Variants in NSG2 observed in about 807,000 individuals in gnomAD.
NSG2 encodes neuronal vesicle trafficking-associated protein 2.
NSG2 carries 4 observed loss-of-function variants against 16.9 expected under a neutral mutation model. The ratio of observed to expected loss-of-function variants is 0.24; its 90% CI spans 0.12 to 0.54. NSG2 has a LOEUF of 0.54. Ranked by LOEUF, NSG2 falls within the 20% of genes least tolerant of loss-of-function variation. NSG2 has a pLI of 0.95. For missense variants in NSG2, 179 were observed against 221.1 expected (o/e 0.81, Z 1.21); for synonymous variants, 98 against 88.7 (o/e 1.11, Z -0.59).
At chr5:174,069,426 C>T (rs1363628071) in intron 3 of NSG2, among the ~76,000 whole-genome samples, 2 of 152,150 alleles carry the variant, frequency 1.3e-5, no homozygotes, top group African/African-American at 2.4e-5. Flanking sequence ...AGAGGCACAG[C>T]TGTCCTCCAG....
intron 2 of NSG2, among the ~76,000 whole-genome samples, chr5:174,058,916 C>T (rs1186321993): frequency 6.6e-6 from 1 of 152,182 alleles, no homozygotes; most frequent in East Asian, 1.9e-4. Context: ...TATCAGGCAC[C>T]TGCCTGTCTC....
chr5:174,052,078 C>T (rs187283506), intron 2 of NSG2, among the ~76,000 whole-genome samples: 100 of 152,282 alleles, frequency 6.6e-4, no homozygotes, highest in Admixed American at 2.2e-3. Context: ...ACCCTAGGGA[C>T]AAGGGACAGG....
chr5:174,068,725 GAATCCT>G (rs2113440954), intron 3 of NSG2, among the ~76,000 whole-genome samples: 1 of 135,454 alleles, frequency 7.4e-6, no homozygotes, highest in Non-Finnish European at 1.6e-5. Context: ...GGTGTCATGG[GAATCCT>G]GGTGCTATGG....
chr5:174,086,264 C>T (rs1324438891), intron 3 of NSG2: 2 of 152,098 alleles, frequency 1.3e-5, no homozygotes, highest in African/African-American at 4.8e-5. Flanking sequence ...AAACTTATTT[C>T]CTCTAAAATA....
rs977084339 is a variant in NSG2 at position 174,108,014 on chromosome 5, T to A, written c.*509T>A. 3.2e-6 allele frequency: 1 copy of A among 316,258 alleles called. No homozygotes were observed. Among genetic ancestry groups the A allele is most frequent in the South Asian group, 2.6e-5 (1 of 38,584 alleles). The allele number at this position is 316,258 out of a possible 1,614,324, so 19.6% of individuals were successfully genotyped here. A position where few individuals can be genotyped will look rare whatever the true frequency, so the allele number is the denominator to read the frequency against. On this transcript the variant is annotated 3_prime_UTR_variant, in exon 5 of 5. Transcript: ENST00000303177. ...TTCCATTAGCCTGTGGTCTGCAGGGTAGGCCCGCAGGAAATGAGGAATGGC... is the reference window on the plus strand; with the variant it reads ...TTCCATTAGCCTGTGGTCTGCAGGGAAGGCCCGCAGGAAATGAGGAATGGC...
At chr5:174,069,362 G>A (rs568622963) in intron 3 of NSG2, among the ~76,000 whole-genome samples, 1 of 152,150 alleles carries the variant, frequency 6.6e-6, no homozygotes, top group South Asian at 2.1e-4. Flanking sequence ...TTCCAGGTTC[G>A]TCTGTGAGTT....
chr5:174,049,109 G>A (rs1759846370), intron 2 of NSG2, among the ~76,000 whole-genome samples: 1 of 152,188 alleles, frequency 6.6e-6, no homozygotes, highest in African/African-American at 2.4e-5. Context: ...GGAGGCTGAG[G>A]CGGGCGGATC....
intron 3 of NSG2, among the ~76,000 whole-genome samples, chr5:174,095,785 G>A (rs1159126827): frequency 6.6e-6 from 1 of 152,158 alleles, no homozygotes; most frequent in African/African-American, 2.4e-5. Context: ...ATTCCCCTTT[G>A]ACAGAAAAGG....
chr5:174,073,916 T>C (rs1277773390), intron 3 of NSG2, among the ~76,000 whole-genome samples: 1 of 152,196 alleles, frequency 6.6e-6, no homozygotes, highest in Non-Finnish European at 1.5e-5. Flanking sequence ...CACTCTTGTT[T>C]CCTATGGGAC....
intron 1 of NSG2, 30 bp from the exon 2 acceptor site, chr5:174,046,704 C>T: frequency 6.2e-7 from 1 of 1,610,464 alleles, no homozygotes; most frequent in Non-Finnish European, 8.5e-7. Flanking sequence ...TCACCTCCTG[C>T]TGTAACCAGA....
chr5:174,091,554 T>A (rs1197995107), intron 3 of NSG2, among the ~76,000 whole-genome samples: 4 of 152,066 alleles, frequency 2.6e-5, no homozygotes, highest in Non-Finnish European at 2.9e-5. Context: ...TGGGAAGGCT[T>A]CCTGGTGTGT....
intron 3 of NSG2, among the ~76,000 whole-genome samples, chr5:174,082,107 T>A (rs905529830): frequency 2.0e-5 from 3 of 152,216 alleles, no homozygotes; most frequent in Non-Finnish European, 4.4e-5. Flanking sequence ...CCCGACCACC[T>A]GTCTGAAGCT....
intron 3 of NSG2, among the ~76,000 whole-genome samples, chr5:174,095,718 T>A (rs1203234616): frequency 6.6e-6 from 1 of 152,198 alleles, no homozygotes; most frequent in Non-Finnish European, 1.5e-5. Flanking sequence ...CACTTTCAGG[T>A]CCCACATGCA....
At chr5:174,071,323 C>T (rs1444946289) in intron 3 of NSG2, among the ~76,000 whole-genome samples, 1 of 152,158 alleles carries the variant, frequency 6.6e-6, no homozygotes, top group African/African-American at 2.4e-5. Flanking sequence ...ACCGTCTCTA[C>T]TAAAATACAA....
intron 2 of NSG2, 52 bp downstream of exon 2, chr5:174,046,936 GA>G: frequency 6.3e-7 from 1 of 1,585,660 alleles, no homozygotes; most frequent in Non-Finnish European, 8.6e-7. Flanking sequence ...CCCATCTCAG[GA>G]AATAAAGCAG....
chr5:174,084,532 C>T (rs917140147), intron 3 of NSG2, among the ~76,000 whole-genome samples: 3 of 152,312 alleles, frequency 2.0e-5, no homozygotes, highest in African/African-American at 4.8e-5. Flanking sequence ...GTTCCTTCCA[C>T]GGAGCCTGTA....
chr5:174,058,619 A>G (rs1360746601), intron 2 of NSG2, among the ~76,000 whole-genome samples: 3 of 152,162 alleles, frequency 2.0e-5, no homozygotes, highest in African/African-American at 7.2e-5. Flanking sequence ...TGAGCCAGCA[A>G]CAGAACCAAG....
intron 4 of NSG2, among the ~76,000 whole-genome samples, chr5:174,105,665 G>A (rs1224359572): frequency 6.6e-6 from 1 of 152,138 alleles, no homozygotes; most frequent in Non-Finnish European, 1.5e-5. Context: ...TGCCTTCCTA[G>A]ATTACACTCC....
intron 3 of NSG2, among the ~76,000 whole-genome samples, chr5:174,069,944 C>A (rs1017963964): frequency 2.0e-5 from 3 of 147,440 alleles, no homozygotes; most frequent in African/African-American, 7.6e-5. Context: ...CTAGCATGAT[C>A]ATGGCTCACT....
Sources: gnomAD v4.1 joint callset for allele counts (sites outside exome capture counted in the v4.1 genomes callset) on GRCh38, gnomAD v4.1.1 for gene constraint, MANE v1.5 for transcripts, NCBI Gene and HGNC (gene_info 2026-07-23, HGNC 2026-07-21) for gene names.